The following MAMDC2 variants were observed in gnomAD, a reference collection of about 807,000 sequenced individuals.
MAMDC2 encodes the protein MAM domain containing 2.
MAMDC2 carries 57 observed loss-of-function variants against 89.8 expected under a neutral mutation model. The ratio of observed to expected loss-of-function variants is 0.63; its 90% CI spans 0.51 to 0.79. MAMDC2 has a LOEUF of 0.79. Ranked by LOEUF, MAMDC2 falls within the 30% of genes least tolerant of loss-of-function variation. MAMDC2 has a pLI of 0.00. For missense variants in MAMDC2, 800 were observed against 820.6 expected (o/e 0.97, Z 0.31); for synonymous variants, 313 against 293.4 (o/e 1.07, Z -0.68).
intron 2 of MAMDC2, among the ~76,000 whole-genome samples, chr9:70,096,108 C>T (rs1350012923): frequency 4.6e-5 from 7 of 152,032 alleles, no homozygotes; most frequent in South Asian, 4.2e-4. Flanking sequence ...TCTGCAGCCT[C>T]GACCTCCCCA....
At chr9:70,197,375 T>C (rs1157871799) in intron 11 of MAMDC2, among the ~76,000 whole-genome samples, 4 of 152,014 alleles carry the variant, frequency 2.6e-5, no homozygotes, top group Admixed American at 6.6e-5. Context: ...GCAAGATAAG[T>C]TGGTGGAGGA....
chr9:70,203,187 C>G (rs2033141895), intron 11 of MAMDC2, among the ~76,000 whole-genome samples: 1 of 152,020 alleles, frequency 6.6e-6, no homozygotes, highest in African/African-American at 2.4e-5. Flanking sequence ...TTTGCAGCGG[C>G]TGGTACCGGT....
At chr9:70,100,245 C>T (rs2118217719) in intron 2 of MAMDC2, among the ~76,000 whole-genome samples, 1 of 152,228 alleles carries the variant, frequency 6.6e-6, no homozygotes, top group East Asian at 1.9e-4. Context: ...CCTCACTTTA[C>T]CAAAGAAGAA....
rs78367482 is a variant in MAMDC2, at chr9:70,132,144, C to A, written c.994+532C>A. Among the ~76,000 whole-genome samples the A allele has an allele frequency of 1.6e-3, 237 of 152,224 alleles. 7 individuals are homozygous for A. In the East Asian group the frequency reaches 0.039, roughly 25 times the overall value. ...AATTACTTTCCACTTCCAGGATGAA[C>A]CCTCAAATTATTTTATCATGATCAG... On this transcript the variant is annotated intron_variant, in intron 7 of 13. Coordinates refer to ENST00000377182, the MANE Select transcript of MAMDC2 (RefSeq NM_153267.5).
At chr9:70,117,937 A>G (rs2030084003) in intron 5 of MAMDC2, among the ~76,000 whole-genome samples, 1 of 152,248 alleles carries the variant, frequency 6.6e-6, no homozygotes. Flanking sequence ...GAGGTATGAA[A>G]TAAATGATAT....
At position 70,067,947 on chromosome 9, in the gene MAMDC2, A is replaced by G. The variant is rs186830067; in HGVS notation, c.148+23250A>G. On this transcript the variant is annotated intron_variant, in intron 2 of 13. Coordinates refer to ENST00000377182, the MANE Select transcript of MAMDC2 (RefSeq NM_153267.5). ...GTGCTGAGCCATGTGATCTTATACA[A>G]GGACTTGTCTACATTTTATTTTCAA... is the stretch of plus-strand genomic sequence containing the variant. Among the ~76,000 whole-genome samples the G allele has an allele frequency of 2.6e-5, 4 of 152,328 alleles. No homozygotes were observed. In the East Asian group the frequency reaches 7.7e-4, roughly 29 times the overall value.
At position 70,043,979 on chromosome 9, in the gene MAMDC2, C is replaced by T; in HGVS notation, c.-219C>T. ...CTGAGGCTGCTGCTCAGCGCCGGGG[C>T]GCTGGCGCTCTCCATTCGAGCACCT... On this transcript the variant is annotated 5_prime_UTR_variant, in exon 1 of 14. Coordinates refer to ENST00000377182, the MANE Select transcript of MAMDC2 (RefSeq NM_153267.5). 1.6e-6 allele frequency: 1 copy of T among 608,366 alleles called. No homozygotes were observed. Among genetic ancestry groups the T allele is most frequent in the East Asian group, 2.8e-5 (1 of 36,308 alleles). 37.7% of individuals were successfully genotyped at this position (608,366 alleles called of 1,614,324 possible). A position where few individuals can be genotyped will look rare whatever the true frequency, so the allele number is the denominator to read the frequency against.
At chr9:70,225,282 GTTC>G (rs1422814080) in intron 12 of MAMDC2, among the ~76,000 whole-genome samples, 1 of 152,070 alleles carries the variant, frequency 6.6e-6, no homozygotes, top group African/African-American at 2.4e-5. Context: ...ATGCTTTTCT[GTTC>G]ACACATGGGT....
At chr9:70,089,566 C>A (rs1477483359) in intron 2 of MAMDC2, among the ~76,000 whole-genome samples, 1 of 151,798 alleles carries the variant, frequency 6.6e-6, no homozygotes, top group Non-Finnish European at 1.5e-5. Flanking sequence ...ATACAAGATA[C>A]AAGGGGAGGG....
intron 11 of MAMDC2, among the ~76,000 whole-genome samples, chr9:70,178,906 A>G (rs1180848849): frequency 6.6e-6 from 1 of 152,210 alleles, no homozygotes; most frequent in Non-Finnish European, 1.5e-5. Flanking sequence ...GTATGGAGCC[A>G]TTAAACAGTG....
intron 11 of MAMDC2, among the ~76,000 whole-genome samples, chr9:70,193,645 A>C (rs1048673927): frequency 2.0e-5 from 3 of 152,096 alleles, no homozygotes; most frequent in Non-Finnish European, 4.4e-5. Context: ...GGATACCAAA[A>C]TGGCTGAACT....
chr9:70,054,338 G>A (rs1563933199), intron 2 of MAMDC2, among the ~76,000 whole-genome samples: 1 of 152,000 alleles, frequency 6.6e-6, no homozygotes, highest in Admixed American at 6.6e-5. Flanking sequence ...GAAGGAGATG[G>A]GGACATGAAA....
chr9:70,182,201 A>G (rs2032659099), intron 11 of MAMDC2, among the ~76,000 whole-genome samples: 1 of 152,200 alleles, frequency 6.6e-6, no homozygotes, highest in Non-Finnish European at 1.5e-5. Flanking sequence ...CCCAGGGATG[A>G]AGCCGACTTG....
intron 2 of MAMDC2, among the ~76,000 whole-genome samples, chr9:70,074,536 G>T (rs1036817693): frequency 7.2e-5 from 11 of 152,196 alleles, no homozygotes; most frequent in Admixed American, 4.6e-4. Context: ...TCTGCAGGGG[G>T]TTGGGACAGC....
chr9:70,068,749 A>G (rs902444531), intron 2 of MAMDC2, among the ~76,000 whole-genome samples: 5 of 150,588 alleles, frequency 3.3e-5, no homozygotes, highest in Admixed American at 1.3e-4. Context: ...AAAAAAGGCA[A>G]TAGGGAACAG....
chr9:70,078,733 A>G (rs1299505365), intron 2 of MAMDC2, among the ~76,000 whole-genome samples: 1 of 152,090 alleles, frequency 6.6e-6, no homozygotes, highest in Non-Finnish European at 1.5e-5. Flanking sequence ...TCCTTTTAAT[A>G]TCTCTCTGGA....
intron 9 of MAMDC2, among the ~76,000 whole-genome samples, chr9:70,158,211 C>A (rs1266740149): frequency 1.3e-5 from 2 of 152,118 alleles, no homozygotes; most frequent in African/African-American, 4.8e-5. Flanking sequence ...CATGTATGAC[C>A]TCCCAAAGTG....
chr9:70,045,103 C>A (rs78096340), intron 2 of MAMDC2, among the ~76,000 whole-genome samples: 340 of 152,384 alleles, frequency 2.2e-3, no homozygotes, highest in Middle Eastern at 0.01. Flanking sequence ...GGGACTAGTT[C>A]TCCTTCAGCT....
intron 5 of MAMDC2, among the ~76,000 whole-genome samples, chr9:70,113,603 GC>G (rs1425967429): frequency 6.6e-6 from 1 of 152,146 alleles, no homozygotes. Flanking sequence ...TGTGCAACAG[GC>G]CCCCCTAGTG....
Sources: allele counts gnomAD v4.1 joint callset (sites outside exome capture counted in the v4.1 genomes callset), GRCh38; gene constraint gnomAD v4.1.1; transcripts MANE v1.5; gene names NCBI Gene and HGNC (gene_info 2026-07-23, HGNC 2026-07-21).